Variants in PDE7B observed in about 807,000 individuals in gnomAD.
The protein encoded by PDE7B is phosphodiesterase 7B, also known as 3',5'-cyclic-AMP phosphodiesterase 7B.
Under a neutral mutation model 56.2 loss-of-function variants are expected in PDE7B, and 29 were observed. The observed-to-expected ratio is 0.52, with a 90% CI of 0.38 to 0.70. The LOEUF (loss-of-function observed/expected upper bound fraction) is 0.70, where lower values mean the gene tolerates loss of function less well. PDE7B is among the 30% of genes least tolerant of loss of function. PDE7B has a pLI of 0.00. For synonymous variants in PDE7B, 197 were observed against 196.9 expected (o/e 1.00, Z 0.00); for missense variants, 490 against 565.0 (o/e 0.87, Z 1.35).
At chr6:136,038,415 A>C in intron 2 of PDE7B, 1 of 1,290,946 alleles carries the variant, frequency 7.7e-7, no homozygotes, top group South Asian at 1.2e-5. Context: ...CTGCCCTGGG[A>C]CTTGCCAGAG....
At chr6:136,107,400 T>C (rs1308086106) in intron 2 of PDE7B, among the ~76,000 whole-genome samples, 1 of 152,214 alleles carries the variant, frequency 6.6e-6, no homozygotes, top group Non-Finnish European at 1.5e-5. Context: ...TTCCATATTA[T>C]ATATAATAAC....
chr6:135,909,306 T>C (rs1298343614), intron 1 of PDE7B, among the ~76,000 whole-genome samples: 3 of 152,242 alleles, frequency 2.0e-5, no homozygotes, highest in East Asian at 3.9e-4. Flanking sequence ...GGAACATGGG[T>C]ACTCTCTGAT....
intron 1 of PDE7B, among the ~76,000 whole-genome samples, chr6:135,890,553 T>A (rs1775792741): frequency 6.6e-6 from 1 of 152,156 alleles, no homozygotes; most frequent in South Asian, 2.1e-4. Context: ...GCAGTGGGTA[T>A]GACTGGCATT....
chr6:136,130,039 G>C (rs972275368), intron 3 of PDE7B, among the ~76,000 whole-genome samples: 5 of 152,140 alleles, frequency 3.3e-5, no homozygotes, highest in Non-Finnish European at 7.4e-5. Flanking sequence ...CAATATAGGT[G>C]TATGTAAGCT....
intron 1 of PDE7B, among the ~76,000 whole-genome samples, chr6:135,872,404 A>T (rs1310301956): frequency 6.6e-6 from 1 of 152,182 alleles, no homozygotes; most frequent in Non-Finnish European, 1.5e-5. Flanking sequence ...TTGTCTTTTT[A>T]AAAATATTTT....
chr6:135,878,005 A>G (rs989435296), intron 1 of PDE7B, among the ~76,000 whole-genome samples: 2 of 152,162 alleles, frequency 1.3e-5, no homozygotes, highest in Non-Finnish European at 2.9e-5. Context: ...ATGCAATTAG[A>G]GCAGGTTTCC....
At chr6:136,062,722 C>CT (rs749928069) in intron 2 of PDE7B, among the ~76,000 whole-genome samples, 3 of 152,220 alleles carry the variant, frequency 2.0e-5, no homozygotes, top group Non-Finnish European at 4.4e-5. Context: ...CCACCTCATC[C>CT]TTTCCAGCTC....
chr6:135,862,362 A>T (rs1775166685), intron 1 of PDE7B, among the ~76,000 whole-genome samples: 1 of 151,834 alleles, frequency 6.6e-6, no homozygotes, highest in Non-Finnish European at 1.5e-5. Flanking sequence ...AAATCCTAGG[A>T]TAAATGTAAC....
chr6:136,132,179 G>C (rs551829203), intron 3 of PDE7B, among the ~76,000 whole-genome samples: 19 of 152,052 alleles, frequency 1.2e-4, no homozygotes, highest in Admixed American at 5.2e-4. Flanking sequence ...CATACCCCTT[G>C]AACAGTGATT....
Position 136,154,059 on chromosome 6 carries a change from T to TC in PDE7B, c.479-15dup, listed in dbSNP as rs145283919. Reference sequence around the variant, plus strand: ...ATTTGGGTTTTAGTTGATTGAGTTATCTGTTTACCTCCCAGTCATGGTTCA... The same window carrying TC: ...ATTTGGGTTTTAGTTGATTGAGTTATCCTGTTTACCTCCCAGTCATGGTTCA... On this transcript the variant is annotated splice_polypyrimidine_tract_variant and intron_variant, in intron 6 of 12. Coordinates refer to ENST00000308191, the MANE Select transcript of PDE7B (RefSeq NM_018945.4). 1.3e-3 allele frequency: 2,107 copies of TC among 1,578,212 alleles called. 16 individuals carry two copies. The African/African-American group carries it at 0.019, about 15-fold the overall frequency.
Position 136,037,600 on chromosome 6 carries a change from T to G in PDE7B, c.83-71131T>G, listed in dbSNP as rs1776344099. On this transcript the variant is annotated intron_variant, in intron 2 of 12. Transcript: ENST00000308191. ...GCAGCTGCAGATTGGCTCTGCAGAC[T>G]CTCAGCTTCCTCTGTTTTTTTGAGA... is the stretch of plus-strand genomic sequence containing the variant. 4 of 985,310 alleles carry G rather than the reference T, an allele frequency of 4.1e-6. No individual in the cohort carries two copies. The South Asian group carries it at 1.9e-4, about 46-fold the overall frequency. The allele number at this position is 985,310 out of a possible 1,614,324, so 61.0% of individuals were successfully genotyped here.
chr6:135,947,391 G>T (rs548444451), intron 1 of PDE7B, 73 bp from the exon 2 acceptor site: 29 of 1,135,338 alleles, frequency 2.6e-5, no homozygotes, highest in South Asian at 3.8e-5. Context: ...GTAATGTCAG[G>T]TCACATGGAT....
At chr6:135,937,386 T>A (rs1407196545) in intron 1 of PDE7B, among the ~76,000 whole-genome samples, 2 of 152,114 alleles carry the variant, frequency 1.3e-5, no homozygotes, top group African/African-American at 2.4e-5. Context: ...CAGCCTTGCG[T>A]CTCTCCACTC....
At chr6:135,881,452 G>A (rs999796692) in intron 1 of PDE7B, among the ~76,000 whole-genome samples, 5 of 152,070 alleles carry the variant, frequency 3.3e-5, no homozygotes, top group Admixed American at 2.6e-4. Context: ...ACGTTGCAAT[G>A]AGCTGAGATC....
Position 135,981,200 on chromosome 6 carries a change from C to T in PDE7B, c.82+33676C>T, listed in dbSNP as rs1171471899. The stretch of plus-strand genomic sequence containing the variant: ...ATCGCAAGAACAAAAAACCAAACAC[C>T]GAATATTCTCACTCATAGGTGGGAA... On this transcript the variant is annotated intron_variant, in intron 2 of 12. Coordinates refer to ENST00000308191, the MANE Select transcript of PDE7B (RefSeq NM_018945.4). 6.1e-5 allele frequency among the ~76,000 whole-genome samples: 9 copies of T among 148,576 alleles called. No individual in the cohort carries two copies. In the South Asian group the frequency reaches 6.4e-4, roughly 11 times the overall value.
intron 2 of PDE7B, among the ~76,000 whole-genome samples, chr6:135,954,618 A>C (rs2128200492): frequency 6.6e-6 from 1 of 152,252 alleles, no homozygotes; most frequent in South Asian, 2.1e-4. Context: ...ATAATGAGCA[A>C]GGTAGAATCC....
chr6:135,894,432 C>T (rs182119970), intron 1 of PDE7B, among the ~76,000 whole-genome samples: 377 of 152,286 alleles, frequency 2.5e-3, no homozygotes, highest in African/African-American at 7.5e-3. Context: ...TAGCCAAACA[C>T]TTTTCCGTCT....
chr6:135,976,195 T>C (rs980549572), intron 2 of PDE7B, among the ~76,000 whole-genome samples: 1 of 152,044 alleles, frequency 6.6e-6, no homozygotes, highest in African/African-American at 2.4e-5. Flanking sequence ...CTTAGAAAAA[T>C]TCTTATCAAA....
intron 1 of PDE7B, among the ~76,000 whole-genome samples, chr6:135,932,210 T>A (rs1774306646): frequency 6.6e-6 from 1 of 152,044 alleles, no homozygotes; most frequent in Non-Finnish European, 1.5e-5. Flanking sequence ...TATAAAAAAA[T>A]AGAAAGAATG....
Sources: gnomAD v4.1 joint callset for allele counts (sites outside exome capture counted in the v4.1 genomes callset) on GRCh38, gnomAD v4.1.1 for gene constraint, MANE v1.5 for transcripts, NCBI Gene and HGNC (gene_info 2026-07-23, HGNC 2026-07-21) for gene names.